RALYL: variants seen among roughly 807,000 people sequenced by gnomAD.
RALYL encodes RNA-binding Raly-like protein.
RALYL carries 29 observed loss-of-function variants against 35.1 expected under a neutral mutation model. The observed-to-expected ratio is 0.83, with a 90% CI of 0.61 to 1.13. The LOEUF is 1.13. RALYL is among the 50% of genes most tolerant of loss of function. The pLI, the probability that RALYL is intolerant of heterozygous loss-of-function variation, is 0.00. For missense variants in RALYL, 359 were observed against 360.4 expected (o/e 1.00, Z 0.03); for synonymous variants, 120 against 127.6 (o/e 0.94, Z 0.40).
intron 1 of RALYL, among the ~76,000 whole-genome samples, chr8:84,420,273 G>C (rs900928041): frequency 6.6e-6 from 1 of 152,112 alleles, no homozygotes; most frequent in Non-Finnish European, 1.5e-5. Context: ...TAGTGGTTTT[G>C]ATTTGCATTT....
intron 1 of RALYL, among the ~76,000 whole-genome samples, chr8:84,502,083 T>A (rs1430977577): frequency 6.6e-6 from 1 of 151,892 alleles, no homozygotes; most frequent in East Asian, 1.9e-4. Flanking sequence ...ATTTGGCAAA[T>A]GACAAATGAT....
At chr8:84,214,905 A>G (rs1000658425) in intron 1 of RALYL, among the ~76,000 whole-genome samples, 1 of 149,316 alleles carries the variant, frequency 6.7e-6, no homozygotes, top group African/African-American at 2.5e-5. Context: ...TTTAATTTTT[A>G]TATATTTATT....
At chr8:84,480,100 A>C (rs1215308305) in intron 1 of RALYL, among the ~76,000 whole-genome samples, 1 of 152,032 alleles carries the variant, frequency 6.6e-6, no homozygotes, top group Non-Finnish European at 1.5e-5. Context: ...TTCCAACCTG[A>C]CTCGTTATTC....
chr8:84,727,727 G>T (rs531777112), intron 2 of RALYL, among the ~76,000 whole-genome samples: 55 of 150,080 alleles, frequency 3.7e-4, no homozygotes, highest in Admixed American at 2.0e-3. Flanking sequence ...GCCGTGTTTG[G>T]TTTTTTTGTT....
intron 1 of RALYL, among the ~76,000 whole-genome samples, chr8:84,317,910 A>C (rs991149781): frequency 3.3e-5 from 5 of 151,884 alleles, no homozygotes; most frequent in Admixed American, 6.6e-5. Context: ...TTCTCTTCTT[A>C]TTATCTTAAT....
chr8:84,877,117 G>T (rs991752603), intron 7 of RALYL, among the ~76,000 whole-genome samples: 3 of 152,080 alleles, frequency 2.0e-5, no homozygotes, highest in African/African-American at 7.2e-5. Context: ...CTTTCACTTG[G>T]TTCAGTTATC....
At chr8:84,722,649 G>GTA (rs1844195453) in intron 2 of RALYL, among the ~76,000 whole-genome samples, 3 of 99,800 alleles carry the variant, frequency 3.0e-5, no homozygotes, top group Admixed American at 9.6e-5. Context: ...ATATATATAT[G>GTA]TATGTATATA....
At chr8:84,599,466 A>G (rs1815396673) in intron 2 of RALYL, among the ~76,000 whole-genome samples, 1 of 152,020 alleles carries the variant, frequency 6.6e-6, no homozygotes, top group South Asian at 2.1e-4. Flanking sequence ...AATATAAGAA[A>G]ATAGGCTTCT....
intron 1 of RALYL, among the ~76,000 whole-genome samples, chr8:84,428,098 T>A (rs2046711973): frequency 2.9e-5 from 4 of 135,876 alleles, no homozygotes; most frequent in African/African-American, 8.4e-5. Flanking sequence ...TCTCTCTCTC[T>A]CTCTCTCTCA....
intron 1 of RALYL, among the ~76,000 whole-genome samples, chr8:84,477,657 T>A (rs903481255): frequency 6.6e-6 from 1 of 151,388 alleles, no homozygotes; most frequent in Admixed American, 6.6e-5. Context: ...ATATTCACTT[T>A]CTACAATGGC....
At chr8:84,236,948 G>C (rs10958215) in intron 1 of RALYL, among the ~76,000 whole-genome samples, 94 of 152,074 alleles carry the variant, frequency 6.2e-4, no homozygotes, top group African/African-American at 2.1e-3. Flanking sequence ...TAATTAGTAA[G>C]TAAATGTATT....
At chr8:84,759,717 A>G (rs1348845274) in intron 2 of RALYL, among the ~76,000 whole-genome samples, 9 of 152,196 alleles carry the variant, frequency 5.9e-5, no homozygotes, top group Admixed American at 5.9e-4. Context: ...GGGAAATAAT[A>G]TTGATGTTGC....
At chr8:84,919,707 T>C (rs563469472) in intron 8 of RALYL, among the ~76,000 whole-genome samples, 4 of 152,246 alleles carry the variant, frequency 2.6e-5, no homozygotes, top group South Asian at 4.1e-4. Flanking sequence ...AAATGTCTTA[T>C]TCATGAAAGC....
intron 1 of RALYL, among the ~76,000 whole-genome samples, chr8:84,242,309 A>G (rs578037595): frequency 6.6e-6 from 1 of 152,142 alleles, no homozygotes; most frequent in East Asian, 1.9e-4. Context: ...GCTGCAGTAT[A>G]CATGTGTCAT....
At chr8:84,183,191 C>G (rs1413718075), upstream of RALYL, 1 of 155,370 alleles carries the variant, frequency 6.4e-6, no homozygotes, top group Non-Finnish European at 1.4e-5. Flanking sequence ...TCGGCTCCCC[C>G]TCTCGCCGGC....
At chr8:84,529,242 C>T (rs879601675) in intron 1 of RALYL, 57 bp from the exon 2 acceptor site, 13 of 1,522,028 alleles carry the variant, frequency 8.5e-6, no homozygotes, top group East Asian at 2.5e-5. Flanking sequence ...GATACCCATT[C>T]GATCTAATGA....
At chr8:84,425,955 A>G (rs1489433927) in intron 1 of RALYL, among the ~76,000 whole-genome samples, 1 of 152,092 alleles carries the variant, frequency 6.6e-6, no homozygotes, top group South Asian at 2.1e-4. Context: ...AAGAGTATAT[A>G]TATTATCTAA....
At chr8:84,607,464 A>G (rs574174974) in intron 2 of RALYL, among the ~76,000 whole-genome samples, 3 of 152,298 alleles carry the variant, frequency 2.0e-5, no homozygotes, top group East Asian at 3.9e-4. Flanking sequence ...ATTCAAAATG[A>G]AGGAACCTTT....
chr8:84,761,934 T>A (rs1040477824), intron 2 of RALYL, among the ~76,000 whole-genome samples: 1 of 151,982 alleles, frequency 6.6e-6, no homozygotes, highest in Non-Finnish European at 1.5e-5. Flanking sequence ...CAATTTGCAA[T>A]ATTAAATAGG....
Sources: gnomAD v4.1 joint callset for allele counts (sites outside exome capture counted in the v4.1 genomes callset) on GRCh38, gnomAD v4.1.1 for gene constraint, MANE v1.5 for transcripts, NCBI Gene and HGNC (gene_info 2026-07-23, HGNC 2026-07-21) for gene names.